PRELID2: variants seen among roughly 807,000 people sequenced by gnomAD.
PRELID2 encodes the protein PRELI domain containing 2.
Under a neutral mutation model 28.4 loss-of-function variants are expected in PRELID2, and 25 were observed. That is an observed-to-expected ratio of 0.88 (90% CI 0.64 to 1.23). The LOEUF is 1.23. Among genes scored for constraint, PRELID2 ranks in the 50% most tolerant of loss-of-function variants. The pLI, the probability that PRELID2 is intolerant of heterozygous loss-of-function variation, is 0.00. For missense variants in PRELID2, 201 were observed against 214.4 expected (o/e 0.94, Z 0.39); for synonymous variants, 76 against 71.6 (o/e 1.06, Z -0.31).
At chr5:145,811,894 G>A (rs985814844) in intron 4 of PRELID2, among the ~76,000 whole-genome samples, 1 of 152,140 alleles carries the variant, frequency 6.6e-6, no homozygotes, top group Admixed American at 6.5e-5. Flanking sequence ...GGGCAACATA[G>A]TGCCAAGAAA....
chr5:145,415,953 A>G, the PRELID2 span, among the ~76,000 whole-genome samples: 1 of 151,938 alleles, frequency 6.6e-6, no homozygotes, highest in African/African-American at 2.4e-5. Context: ...TTGTTTCCTG[A>G]CTTTTTAATG....
At chr5:145,717,665 TAATAA>T (rs1295809859) in intron 1 of PRELID2, among the ~76,000 whole-genome samples, 3 of 151,044 alleles carry the variant, frequency 2.0e-5, no homozygotes, top group South Asian at 2.1e-4. Context: ...TTATTTAATA[TAATAA>T]ATTAGATTTA....
the PRELID2 span, among the ~76,000 whole-genome samples, chr5:145,341,744 T>C: frequency 2.0e-5 from 3 of 151,558 alleles, no homozygotes; most frequent in African/African-American, 7.3e-5. Flanking sequence ...AGCAAAGCAT[T>C]TGTAACATTT....
chr5:145,506,260 A>T (rs1752410854), intron 1 of PRELID2, among the ~76,000 whole-genome samples: 1 of 152,096 alleles, frequency 6.6e-6, no homozygotes, highest in Admixed American at 6.6e-5. Context: ...TGTTTCTGGG[A>T]CATTCCAAGT....
intron 1 of PRELID2, among the ~76,000 whole-genome samples, chr5:145,478,389 T>C (rs1315725075): frequency 1.3e-5 from 2 of 151,716 alleles, no homozygotes; most frequent in African/African-American, 2.4e-5. Flanking sequence ...CTACTAAAAG[T>C]ACAAAAGATT....
At chr5:145,633,960 G>A (rs1182598455) in intron 1 of PRELID2, among the ~76,000 whole-genome samples, 1 of 152,124 alleles carries the variant, frequency 6.6e-6, no homozygotes, top group African/African-American at 2.4e-5. Context: ...CCCACTGGGA[G>A]AGCACAGATG....
At chr5:145,420,682 G>A in the PRELID2 span, among the ~76,000 whole-genome samples, 8 of 85,276 alleles carry the variant, frequency 9.4e-5, no homozygotes, top group Non-Finnish European at 1.3e-4. Context: ...CTGCAAACAG[G>A]GACAATTTGA....
chr5:145,599,966 T>C (rs1753365352), intron 1 of PRELID2, among the ~76,000 whole-genome samples: 1 of 152,110 alleles, frequency 6.6e-6, no homozygotes, highest in Non-Finnish European at 1.5e-5. Context: ...ATCCAATAAT[T>C]TCAATAACAA....
the PRELID2 span, among the ~76,000 whole-genome samples, chr5:145,350,236 T>G: frequency 2.6e-5 from 4 of 152,342 alleles, no homozygotes; most frequent in Non-Finnish European, 5.9e-5. Flanking sequence ...ACACTTAATT[T>G]TATTTTGTTA....
At chr5:145,613,001 G>A (rs763419882) in intron 1 of PRELID2, among the ~76,000 whole-genome samples, 1 of 152,152 alleles carries the variant, frequency 6.6e-6, no homozygotes, top group South Asian at 2.1e-4. Context: ...CCAGCAATTG[G>A]TATAAAAATA....
intron 1 of PRELID2, among the ~76,000 whole-genome samples, chr5:145,509,613 T>C (rs1487098703): frequency 2.6e-5 from 4 of 152,218 alleles, no homozygotes; most frequent in Non-Finnish European, 1.5e-5. Flanking sequence ...ATTCACAAAG[T>C]GCACAGTCAT....
At chr5:145,242,806 G>C in the PRELID2 span, among the ~76,000 whole-genome samples, 2 of 151,962 alleles carry the variant, frequency 1.3e-5, no homozygotes. Context: ...CACCCTAAAA[G>C]CATACTTGTT....
intron 4 of PRELID2, among the ~76,000 whole-genome samples, chr5:145,809,500 G>A (rs753358683): frequency 7.9e-5 from 12 of 152,100 alleles, no homozygotes; most frequent in Non-Finnish European, 1.6e-4. Context: ...ATGGGCCTAT[G>A]CAGGGCCCTG....
chr5:145,645,629 C>T (rs773357738), intron 1 of PRELID2, among the ~76,000 whole-genome samples: 9 of 151,982 alleles, frequency 5.9e-5, no homozygotes, highest in Non-Finnish European at 8.8e-5. Flanking sequence ...TTCATAGTGT[C>T]GACATTCTTT....
intron 1 of PRELID2, among the ~76,000 whole-genome samples, chr5:145,610,640 G>T (rs1173247355): frequency 6.6e-6 from 1 of 152,234 alleles, no homozygotes; most frequent in African/African-American, 2.4e-5. Flanking sequence ...ACAGAAATTA[G>T]TACCTAGATG....
the PRELID2 span, among the ~76,000 whole-genome samples, chr5:145,362,731 G>T: frequency 3.4e-4 from 51 of 152,086 alleles, 1 homozygote. Context: ...AATAGACATA[G>T]TTAGGCTTAT....
At chr5:145,446,416 T>C in the PRELID2 span, among the ~76,000 whole-genome samples, 1 of 151,942 alleles carries the variant, frequency 6.6e-6, no homozygotes, top group Non-Finnish European at 1.5e-5. Flanking sequence ...GGAAGACAGA[T>C]GTTAAAGCTG....
the PRELID2 span, among the ~76,000 whole-genome samples, chr5:145,395,544 T>C: frequency 2.6e-5 from 4 of 152,114 alleles, no homozygotes; most frequent in African/African-American, 4.8e-5. Flanking sequence ...CAACCAGACT[T>C]TTAATTTATT....
chr5:145,520,323 C>A (rs991640966), intron 1 of PRELID2, among the ~76,000 whole-genome samples: 7 of 152,182 alleles, frequency 4.6e-5, no homozygotes, highest in African/African-American at 1.4e-4. Flanking sequence ...AGGAAATCCT[C>A]TCTATAAATA....
Sources: allele counts gnomAD v4.1 joint callset (sites outside exome capture counted in the v4.1 genomes callset), GRCh38; gene constraint gnomAD v4.1.1; transcripts MANE v1.5; gene names NCBI Gene and HGNC (gene_info 2026-07-23, HGNC 2026-07-21).